The following TMEM117 variants were observed in gnomAD, a reference collection of about 807,000 sequenced individuals.
The protein encoded by TMEM117 is transmembrane protein 117.
Under a neutral mutation model 52.4 loss-of-function variants are expected in TMEM117, and 27 were observed. That is an observed-to-expected ratio of 0.51 (90% CI 0.38 to 0.71). The LOEUF is 0.71. TMEM117 is among the 30% of genes least tolerant of loss of function. The pLI is 0.00. For missense variants in TMEM117, 556 were observed against 630.5 expected (o/e 0.88, Z 1.26); for synonymous variants, 215 against 206.3 (o/e 1.04, Z -0.36).
At chr12:44,152,818 ATATAATGTATATATTG>A (rs1948771388) in intron 4 of TMEM117, among the ~76,000 whole-genome samples, 1 of 143,000 alleles carries the variant, frequency 7.0e-6, no homozygotes, top group South Asian at 2.1e-4. Context: ...GTTTATATGA[ATATAATGTATATATTG>A]TATTTATATA....
intron 3 of TMEM117, among the ~76,000 whole-genome samples, chr12:44,089,170 A>G (rs924221380): frequency 1.3e-5 from 2 of 152,214 alleles, no homozygotes; most frequent in African/African-American, 2.4e-5. Flanking sequence ...ACAATGTTAA[A>G]TGTTCTTTGA....
chr12:44,248,611 G>T, intron 5 of TMEM117: 1 of 159,416 alleles, frequency 6.3e-6, no homozygotes, highest in South Asian at 1.8e-4. Context: ...ACTGCGGTGT[G>T]ACTGCTGCCC....
At chr12:43,804,308 A>T in the TMEM117 span, 1 of 588,010 alleles carries the variant, frequency 1.7e-6, no homozygotes, top group South Asian at 1.7e-5. Flanking sequence ...CCTGATAGTC[A>T]CATAATTCAG....
At chr12:44,125,454 A>C (rs1948309422) in intron 3 of TMEM117, among the ~76,000 whole-genome samples, 1 of 152,188 alleles carries the variant, frequency 6.6e-6, no homozygotes, top group Admixed American at 6.5e-5. Context: ...TGTGTAGTCC[A>C]GGAATTTATC....
intron 2 of TMEM117, among the ~76,000 whole-genome samples, chr12:43,895,467 A>G (rs1057462259): frequency 2.0e-5 from 3 of 152,194 alleles, no homozygotes; most frequent in South Asian, 2.1e-4. Context: ...ATATGCGTGC[A>G]TGTGTCTTGT....
At chr12:43,993,473 G>C (rs117780860) in intron 3 of TMEM117, among the ~76,000 whole-genome samples, 2 of 152,158 alleles carry the variant, frequency 1.3e-5, no homozygotes, top group Non-Finnish European at 2.9e-5. Flanking sequence ...CATTTCCTAA[G>C]CCTAATGATT....
At chr12:43,875,029 A>G (rs560391554) in intron 2 of TMEM117, among the ~76,000 whole-genome samples, 11 of 152,242 alleles carry the variant, frequency 7.2e-5, no homozygotes, top group Non-Finnish European at 1.3e-4. Flanking sequence ...ACTTGTTCAT[A>G]CAAACTGTGT....
chr12:44,289,104 C>G (rs1950670722), intron 5 of TMEM117, among the ~76,000 whole-genome samples: 1 of 152,072 alleles, frequency 6.6e-6, no homozygotes, highest in Admixed American at 6.5e-5. Context: ...GTAAGTGATA[C>G]CATACAGTAT....
chr12:44,032,416 G>T (rs1161479956), intron 3 of TMEM117, among the ~76,000 whole-genome samples: 1 of 152,166 alleles, frequency 6.6e-6, no homozygotes, highest in Non-Finnish European at 1.5e-5. Context: ...GAACCATCCA[G>T]TAATCTCTGA....
In TMEM117 at chr12:44,130,278, T is replaced by C. The variant is rs557925192; in HGVS notation, c.411-13247T>C. Among the ~76,000 whole-genome samples the C allele has an allele frequency of 5.3e-5, 8 of 152,308 alleles. No individual in the cohort carries two copies. In the East Asian group the frequency reaches 1.5e-3, roughly 29 times the overall value. On this transcript the variant is annotated intron_variant, in intron 3 of 7. Transcript: ENST00000266534. The stretch of plus-strand genomic sequence containing the variant: ...TAAAATATTATTAAGTGGACACTCA[T>C]GTTGCTCATGTTATCATCACTGATG...
intron 6 of TMEM117, among the ~76,000 whole-genome samples, chr12:44,372,023 A>C (rs1443139677): frequency 6.6e-6 from 1 of 152,212 alleles, no homozygotes; most frequent in Admixed American, 6.5e-5. Context: ...GTCTGTTCAC[A>C]CTGTGAACAT....
At chr12:44,372,366 C>G (rs1951875650) in intron 6 of TMEM117, among the ~76,000 whole-genome samples, 1 of 152,120 alleles carries the variant, frequency 6.6e-6, no homozygotes, top group African/African-American at 2.4e-5. Context: ...AGCCATGACT[C>G]TCATAACACT....
intron 3 of TMEM117, among the ~76,000 whole-genome samples, chr12:44,087,456 G>T (rs1461998901): frequency 2.0e-5 from 3 of 151,888 alleles, no homozygotes; most frequent in African/African-American, 7.3e-5. Flanking sequence ...ATGTATGTAT[G>T]TATGTATGTA....
intron 2 of TMEM117, among the ~76,000 whole-genome samples, chr12:43,915,841 TTTTTTA>T (rs1204322797): frequency 1.3e-5 from 2 of 152,068 alleles, no homozygotes; most frequent in East Asian, 3.9e-4. Context: ...AGGGAACACT[TTTTTTA>T]TTTTTATTTT....
chr12:43,959,913 T>G (rs1361140416), intron 3 of TMEM117, among the ~76,000 whole-genome samples: 1 of 152,172 alleles, frequency 6.6e-6, no homozygotes, highest in Non-Finnish European at 1.5e-5. Context: ...GGTATGTAGC[T>G]AAACACAGCA....
intron 2 of TMEM117, among the ~76,000 whole-genome samples, chr12:43,901,384 C>T (rs193057204): frequency 6.6e-6 from 1 of 152,218 alleles, no homozygotes; most frequent in East Asian, 1.9e-4. Context: ...AATCTCGGCT[C>T]ACTGCAACCT....
At chr12:44,274,846 C>G (rs1950493320) in intron 5 of TMEM117, among the ~76,000 whole-genome samples, 1 of 152,066 alleles carries the variant, frequency 6.6e-6, no homozygotes, top group Admixed American at 6.6e-5. Context: ...GCCTATGATA[C>G]TACTAATAAG....
At chr12:44,094,600 C>T (rs995386546) in intron 3 of TMEM117, among the ~76,000 whole-genome samples, 4 of 152,040 alleles carry the variant, frequency 2.6e-5, no homozygotes, top group African/African-American at 4.8e-5. Context: ...ATAAATCAAT[C>T]GACACAAATA....
At chr12:44,080,310 C>T (rs966729457) in intron 3 of TMEM117, among the ~76,000 whole-genome samples, 69 of 151,970 alleles carry the variant, frequency 4.5e-4, no homozygotes, top group African/African-American at 1.5e-3. Flanking sequence ...CTTCACATGG[C>T]GACAGCAAGG....
Sources: allele counts gnomAD v4.1 joint callset (sites outside exome capture counted in the v4.1 genomes callset), GRCh38; gene constraint gnomAD v4.1.1; transcripts MANE v1.5; gene names NCBI Gene and HGNC (gene_info 2026-07-23, HGNC 2026-07-21).